Variants in ANXA8 observed in about 807,000 individuals in gnomAD.
The protein encoded by ANXA8 is annexin A8, also known as VAC-beta.
In ANXA8, 9 loss-of-function variants were observed where a neutral mutation model predicts 26.8. That is an observed-to-expected ratio of 0.34 (90% CI 0.20 to 0.59). The LOEUF (loss-of-function observed/expected upper bound fraction) is 0.59, where lower values mean the gene tolerates loss of function less well. ANXA8 is among the 20% of genes least tolerant of loss of function. The probability of loss-of-function intolerance (pLI) is 0.84; values close to 1 mark genes in which losing one functional copy is unlikely to be tolerated. For synonymous variants in ANXA8, 39 were observed against 94.8 expected, an observed-to-expected ratio of 0.41 and a Z score of 3.42; for missense variants, 83 against 238.5, an observed-to-expected ratio of 0.35 and a Z score of 4.29.
At chr10:47,759,903 A>C in the ANXA8 span, 1 of 1,603,030 alleles carries the variant, frequency 6.2e-7, no homozygotes, top group Non-Finnish European at 8.5e-7. Flanking sequence ...CTCTGGGTTG[A>C]TGGCCCCCAC....
chr10:47,894,130 G>A, the ANXA8 span, among the ~76,000 whole-genome samples: 1 of 63,138 alleles, frequency 1.6e-5, no homozygotes, highest in Admixed American at 1.3e-4. Context: ...GTCCTGGCTG[G>A]CATGACTCCT....
intron 1 of ANXA8, among the ~76,000 whole-genome samples, chr10:47,480,996 T>A (rs1839763387): frequency 1.2e-5 from 1 of 86,504 alleles, no homozygotes; most frequent in Admixed American, 1.5e-4. Context: ...AGGTAAGGCA[T>A]CTTTCTGAAC....
the ANXA8 span, among the ~76,000 whole-genome samples, chr10:47,666,182 G>GCGCC: frequency 2.6e-5 from 2 of 75,500 alleles, no homozygotes; most frequent in East Asian, 8.3e-4. Context: ...CCTCTTACCC[G>GCGCC]CCCCCCCCAT....
the ANXA8 span, among the ~76,000 whole-genome samples, chr10:47,957,522 G>A: frequency 3.3e-5 from 5 of 150,350 alleles, 2 homozygotes; most frequent in Non-Finnish European, 5.9e-5. Flanking sequence ...AGCGCTCTGG[G>A]AGTCCTTACA....
At chr10:47,942,172 A>G in the ANXA8 span, among the ~76,000 whole-genome samples, 1 of 146,592 alleles carries the variant, frequency 6.8e-6, no homozygotes, top group Non-Finnish European at 1.5e-5. Flanking sequence ...TACTTTTTAT[A>G]TTCCTTAAAT....
the ANXA8 span, among the ~76,000 whole-genome samples, chr10:47,623,099 C>G: frequency 9.0e-6 from 1 of 110,532 alleles, no homozygotes; most frequent in African/African-American, 3.5e-5. Context: ...AAAATTTACC[C>G]ATCTTTTAGT....
At chr10:47,987,459 A>G in the ANXA8 span, 1 of 183,512 alleles carries the variant, frequency 5.4e-6, no homozygotes, top group South Asian at 4.4e-5. Context: ...TCCAGAGCAG[A>G]TCACAGAGAT....
At chr10:47,960,836 C>T in the ANXA8 span, among the ~76,000 whole-genome samples, 229 of 137,162 alleles carry the variant, frequency 1.7e-3, no homozygotes, top group African/African-American at 6.6e-3. Context: ...GGTGGGGCTG[C>T]TTGGGGACCA....
At chr10:47,711,522 C>T in the ANXA8 span, among the ~76,000 whole-genome samples, 27 of 145,618 alleles carry the variant, frequency 1.9e-4, no homozygotes, top group Non-Finnish European at 3.3e-4. Context: ...CTCTCTTAAT[C>T]ATTAATAGCT....
At chr10:47,684,945 G>A in the ANXA8 span, among the ~76,000 whole-genome samples, 7 of 149,906 alleles carry the variant, frequency 4.7e-5, no homozygotes, top group Non-Finnish European at 8.8e-5. Context: ...TTTATGTGTG[G>A]CCCAAGACAA....
the ANXA8 span, among the ~76,000 whole-genome samples, chr10:47,743,303 T>TATATACATATATATATACAC: frequency 1.9e-5 from 1 of 53,946 alleles, no homozygotes; most frequent in East Asian, 8.1e-4. Context: ...TACACATATA[T>TATATACATATATATATACAC]ATATATATAC....
At chr10:47,672,431 T>C in the ANXA8 span, among the ~76,000 whole-genome samples, 1 of 151,844 alleles carries the variant, frequency 6.6e-6, no homozygotes, top group Non-Finnish European at 1.5e-5. Flanking sequence ...CCCATGAAAG[T>C]ACTTTTTCTT....
At chr10:47,957,299 A>AGGACCCC in the ANXA8 span, among the ~76,000 whole-genome samples, 1 of 150,454 alleles carries the variant, frequency 6.6e-6, no homozygotes, top group Non-Finnish European at 1.5e-5. Context: ...GCCAGGACCC[A>AGGACCCC]GGACCCCAGC....
At chr10:47,944,758 G>C in the ANXA8 span, among the ~76,000 whole-genome samples, 1 of 150,478 alleles carries the variant, frequency 6.6e-6, no homozygotes, top group South Asian at 2.1e-4. Flanking sequence ...CAGCCATGTG[G>C]AACTGTGAGT....
At chr10:47,676,057 G>T in the ANXA8 span, among the ~76,000 whole-genome samples, 1 of 151,630 alleles carries the variant, frequency 6.6e-6, no homozygotes, top group Non-Finnish European at 1.5e-5. Flanking sequence ...TAGCAGAAAT[G>T]AATTCATTAC....
chr10:47,977,516 C>A, the ANXA8 span, among the ~76,000 whole-genome samples: 109,569 of 150,056 alleles, frequency 0.73, 39,649 homozygotes, highest in South Asian at 0.78. Context: ...TTTTAGAACA[C>A]GTCTTAAAAA....
the ANXA8 span, among the ~76,000 whole-genome samples, chr10:47,547,917 T>TA: frequency 2.8e-5 from 4 of 141,354 alleles, 1 homozygote; most frequent in East Asian, 5.6e-4. Flanking sequence ...TAACTAAAAC[T>TA]AAAAAAATGT....
At chr10:47,882,023 G>T in the ANXA8 span, among the ~76,000 whole-genome samples, 1 of 150,508 alleles carries the variant, frequency 6.6e-6, no homozygotes, top group South Asian at 2.1e-4. Flanking sequence ...GGGTGTATGT[G>T]TGTGAAGGGT....
At chr10:47,510,003 C>A in the ANXA8 span, among the ~76,000 whole-genome samples, 3 of 142,226 alleles carry the variant, frequency 2.1e-5, no homozygotes, top group Non-Finnish European at 4.6e-5. Flanking sequence ...TTTCCTTCCA[C>A]CACGACGTCT....
Sources: allele counts gnomAD v4.1 joint callset (sites outside exome capture counted in the v4.1 genomes callset), GRCh38; gene constraint gnomAD v4.1.1; transcripts MANE v1.5; gene names NCBI Gene and HGNC (gene_info 2026-07-23, HGNC 2026-07-21).